The following MROH7 variants were observed in gnomAD, a reference collection of about 807,000 sequenced individuals.
MROH7 encodes maestro heat like repeat family member 7.
In MROH7, 113 loss-of-function variants were observed where a neutral mutation model predicts 129.2. The observed-to-expected ratio is 0.87, with a 90% CI of 0.75 to 1.02. The LOEUF (loss-of-function observed/expected upper bound fraction) is 1.02, where lower values mean the gene tolerates loss of function less well. Ranked by LOEUF, MROH7 falls within the 50% of genes least tolerant of loss-of-function variation. The pLI is 0.00. For synonymous variants in MROH7, 655 were observed against 667.9 expected (o/e 0.98, Z 0.30); for missense variants, 1,601 against 1,671.3 (o/e 0.96, Z 0.73).
At chr1:54,682,564 C>A in intron 13 of MROH7, 92 bp from the exon 14 acceptor site, 1 of 1,301,986 alleles carries the variant, frequency 7.7e-7, no homozygotes, top group Non-Finnish European at 1.1e-6. Context: ...ATTTCATTGG[C>A]ATCTTACCTT....
chr1:54,710,244 A>C lies in MROH7; in HGVS notation c.*57A>C. 6.3e-7 allele frequency: 1 copy of C among 1,575,818 alleles called. No homozygotes were observed. The highest frequency in any genetic ancestry group is 1.1e-5 in the South Asian group (1 of 89,130). ...GTTGAGTTCCAGCCATGCTCCCTAT[A>C]AATGTCATGTGGCTTACCTCTCCAT... On this transcript the variant is annotated 3_prime_UTR_variant, in exon 24 of 24. Coordinates refer to ENST00000421030, the MANE Select transcript of MROH7 (RefSeq NM_001039464.4).
chr1:54,675,379 T>C (rs957651211), intron 10 of MROH7, among the ~76,000 whole-genome samples: 3 of 152,332 alleles, frequency 2.0e-5, no homozygotes, highest in African/African-American at 7.2e-5. Flanking sequence ...TGTAGTTCAC[T>C]TTTTCCTATC....
intron 16 of MROH7, among the ~76,000 whole-genome samples, chr1:54,694,593 A>G (rs973461552): frequency 6.6e-6 from 1 of 152,060 alleles, no homozygotes; most frequent in Non-Finnish European, 1.5e-5. Flanking sequence ...CAACCTCCCA[A>G]GTAGCTAGGA....
In MROH7 at chr1:54,654,155, AGG is replaced by A; in HGVS notation, c.1231_1231+1del. 1 of 1,606,350 alleles carries A rather than the reference AGG, an allele frequency of 6.2e-7. No individual in the cohort carries two copies. The highest frequency in any genetic ancestry group is 1.1e-5 in the South Asian group (1 of 89,476). The stretch of plus-strand genomic sequence containing the variant: ...GCCGTGACCTTGCAAGGCATCCCTG[AGG>A]GTAAGGCCAGGGCCGCAGCCCTAGA... On this transcript the variant is annotated frameshift_variant and splice_region_variant, in exon 3 of 24. Coordinates refer to ENST00000421030, the MANE Select transcript of MROH7 (RefSeq NM_001039464.4). LOFTEE classifies it high-confidence loss of function.
intron 17 of MROH7, 100 bp from the exon 18 acceptor site, chr1:54,700,221 A>C (rs1645410667): frequency 6.7e-7 from 1 of 1,503,436 alleles, no homozygotes; most frequent in Non-Finnish European, 9.2e-7. Context: ...CTCCGGGCAG[A>C]GCTGAGCCTG....
intron 22 of MROH7, among the ~76,000 whole-genome samples, chr1:54,707,394 A>G (rs1482795134): frequency 6.6e-6 from 1 of 152,182 alleles, no homozygotes; most frequent in Non-Finnish European, 1.5e-5. Flanking sequence ...TCATCCACCC[A>G]TCTGCTGGTT....
chr1:54,662,869 G>A (rs961424677), intron 3 of MROH7, among the ~76,000 whole-genome samples: 26 of 152,126 alleles, frequency 1.7e-4, no homozygotes, highest in Non-Finnish European at 4.4e-5. Flanking sequence ...TGATACATTT[G>A]AAGATGACAG....
At chr1:54,671,386 C>T (rs1386940814) in intron 7 of MROH7, among the ~76,000 whole-genome samples, 3 of 152,134 alleles carry the variant, frequency 2.0e-5, no homozygotes, top group South Asian at 2.1e-4. Flanking sequence ...GGCGACAGAG[C>T]GAGACTCCGT....
chr1:54,663,643 G>A (rs1644765397), intron 3 of MROH7: 1 of 365,540 alleles, frequency 2.7e-6, no homozygotes, highest in Non-Finnish European at 5.3e-6. Context: ...CAAAGTGCTG[G>A]GATTACTGGC....
chr1:54,706,574 G>A (rs974057708), intron 22 of MROH7, 37 bp downstream of exon 22: 3 of 1,461,032 alleles, frequency 2.1e-6, no homozygotes, highest in Non-Finnish European at 2.9e-6. Context: ...TGCTGCCAGG[G>A]CTCTGCCTGC....
At chr1:54,645,651 C>CTTTTTTTTTTTTTTTTTTTTT (rs780480424) in intron 1 of MROH7, among the ~76,000 whole-genome samples, 2 of 110,226 alleles carry the variant, frequency 1.8e-5, no homozygotes, top group Non-Finnish European at 1.8e-5. Context: ...TTCTTTCTTT[C>CTTTTTTTTTTTTTTTTTTTTT]TTTCTTTTTT....
Position 54,700,342 on chromosome 1 carries a change from C to T in MROH7, c.2986C>T (p.Arg996Cys), listed in dbSNP as rs139827199. ...TCAGCTCCTCCAGATGGAGCAGGTG[C>T]GCCGGATCCCCGAGGAATACTCTCT... ...FVELLQMEQVRRIPEEYSLGR... is the reference protein window; with the variant it reads ...FVELLQMEQVCRIPEEYSLGR... The change falls in exon 18 of 24, where the codon CGC (arginine) becomes TGC (cysteine). Residue 996 changes from arginine to cysteine, a missense_variant. Arg to Cys is a radical substitution (Grantham distance 180). Transcript: ENST00000421030. 2,699 of 1,614,078 alleles carry T rather than the reference C, an allele frequency of 1.7e-3. 13 individuals carry two copies. The highest frequency in any genetic ancestry group is 4.9e-3 in the South Asian group (444 of 91,064).
rs77829431 is a variant in MROH7, at chr1:54,709,923, C to A, written c.3731-23C>A. ...TAGGGCCCTGGGTCTTAATAGGAGGCTTCTCCCTTCCCCATGACGCAGCTC... is the reference window on the plus strand; with the variant it reads ...TAGGGCCCTGGGTCTTAATAGGAGGATTCTCCCTTCCCCATGACGCAGCTC... On this transcript the variant is annotated intron_variant, in intron 23 of 23. Coordinates refer to ENST00000421030, the MANE Select transcript of MROH7 (RefSeq NM_001039464.4). The A allele has an allele frequency of 3.7e-3, 5,900 of 1,603,842 alleles. 199 individuals are homozygous for A. The African/African-American group carries it at 0.07, about 19-fold the overall frequency.
At chr1:54,704,793 C>CTTTTTTTTTTTTTT (rs750428757) in intron 21 of MROH7, among the ~76,000 whole-genome samples, 7 of 67,830 alleles carry the variant, frequency 1.0e-4, no homozygotes, top group African/African-American at 2.6e-4. Context: ...CAATGTAGCT[C>CTTTTTTTTTTTTTT]TTTTTTTTTT....
intron 16 of MROH7, among the ~76,000 whole-genome samples, chr1:54,693,473 A>G (rs535412394): frequency 4.2e-4 from 64 of 152,318 alleles, no homozygotes; most frequent in African/African-American, 1.4e-3. Context: ...AGCTCCACAC[A>G]GGCTAATTTT....
chr1:54,687,070 T>G (rs548173285), intron 15 of MROH7, among the ~76,000 whole-genome samples: 1 of 151,488 alleles, frequency 6.6e-6, no homozygotes, highest in East Asian at 1.9e-4. Flanking sequence ...ATTTATTTAT[T>G]TATTTATTTA....
At chr1:54,706,673 C>A in intron 22 of MROH7, 136 bp downstream of exon 22, 1 of 649,306 alleles carries the variant, frequency 1.5e-6, no homozygotes, top group Non-Finnish European at 2.7e-6. Flanking sequence ...CACCAGACAG[C>A]CATGGTGAAA....
intron 7 of MROH7, among the ~76,000 whole-genome samples, 197 bp downstream of exon 7, chr1:54,671,126 A>G (rs1569907443): frequency 6.6e-6 from 1 of 151,992 alleles, no homozygotes; most frequent in African/African-American, 2.4e-5. Context: ...GGTGGCTCAC[A>G]CCTGTAATCC....
chr1:54,665,483 T>C, intron 4 of MROH7: 1 of 433,822 alleles, frequency 2.3e-6, no homozygotes. Context: ...TTCACAGCTA[T>C]AACTTCAGCA....
Sources: allele counts gnomAD v4.1 joint callset (sites outside exome capture counted in the v4.1 genomes callset), GRCh38; gene constraint gnomAD v4.1.1; transcripts MANE v1.5; gene names NCBI Gene and HGNC (gene_info 2026-07-23, HGNC 2026-07-21).